Variants in LRRC27 observed in about 807,000 individuals in gnomAD.
The protein encoded by LRRC27 is leucine-rich repeat-containing protein 27.
LRRC27 carries 57 observed loss-of-function variants against 55.0 expected under a neutral mutation model. The ratio of observed to expected loss-of-function variants is 1.04; its 90% CI spans 0.84 to 1.29. The LOEUF (loss-of-function observed/expected upper bound fraction) is 1.29. LRRC27 is among the 50% of genes most tolerant of loss of function. The pLI, the probability that LRRC27 is intolerant of heterozygous loss-of-function variation, is 0.00. For missense variants in LRRC27, 721 were observed against 651.5 expected, an observed-to-expected ratio of 1.11 and a Z score of -1.16; for synonymous variants, 278 against 251.9, an observed-to-expected ratio of 1.10 and a Z score of -0.98.
intron 3 of LRRC27, 80 bp from the exon 4 acceptor site, chr10:132,342,133 G>A: frequency 3.4e-6 from 3 of 889,056 alleles, no homozygotes; most frequent in Non-Finnish European, 3.4e-6. Context: ...GAAGAAAAAT[G>A]AAGAAACTTG....
Position 132,348,937 on chromosome 10 carries a change from A to G in LRRC27, c.926+581A>G. ...TTTGGTACAGTGAGTTTGGGGGCCG[A>G]GATTTTATTTTCCTTTCACACCCAG... On this transcript the variant is annotated intron_variant, in intron 6 of 10. Transcript: ENST00000368614. The surrounding 1 kb of genome is among the most constrained non-coding windows in gnomAD (Gnocchi z 4.2). 6.5e-7 allele frequency: 1 copy of G among 1,549,712 alleles called. No homozygotes were observed. The highest frequency in any genetic ancestry group is 1.7e-4 in the Middle Eastern group (1 of 5,954).
intron 7 of LRRC27, among the ~76,000 whole-genome samples, chr10:132,354,428 C>T (rs865928914): frequency 5.9e-5 from 9 of 152,182 alleles, no homozygotes; most frequent in African/African-American, 1.9e-4. Flanking sequence ...GGCCCTCGTC[C>T]AGGAGCGCAG....
At chr10:132,370,643 C>G (rs1020241650) in intron 10 of LRRC27, among the ~76,000 whole-genome samples, 2 of 152,224 alleles carry the variant, frequency 1.3e-5, no homozygotes, top group Non-Finnish European at 2.9e-5. Flanking sequence ...GTCCCTGAGA[C>G]AGACCAGAAC....
Position 132,363,784 on chromosome 10 carries a change from G to A in LRRC27, c.1290-1640G>A, listed in dbSNP as rs149553610. ...CTCAGTTTAACGTACCCTGGATCCC[G>A]GCTGCGATGTAAGAAACCTGGAGGA... On this transcript the variant is annotated intron_variant, in intron 9 of 10. Transcript: ENST00000368614. Among the ~76,000 whole-genome samples the A allele has an allele frequency of 2.2e-3, 337 of 152,202 alleles. 1 individual carries two copies. The highest frequency in any genetic ancestry group is 7.2e-3 in the African/African-American group (297 of 41,514).
intron 7 of LRRC27, among the ~76,000 whole-genome samples, chr10:132,354,960 C>T (rs1278876364): frequency 6.6e-6 from 1 of 152,234 alleles, no homozygotes; most frequent in Non-Finnish European, 1.5e-5. Flanking sequence ...GGAGCCCCGC[C>T]CAGCCGCAGA....
rs143542792 is a variant in LRRC27 at position 132,344,382 on chromosome 10, C to G, written c.401-116C>G. On this transcript the variant is annotated intron_variant, in intron 4 of 10. Transcript: ENST00000368614. Reference sequence around the variant, plus strand: ...TGACATCTGTTAACGTGATTTTCCCCCAAATACTGAATAGAATCATATTTT... The same window carrying G: ...TGACATCTGTTAACGTGATTTTCCCGCAAATACTGAATAGAATCATATTTT... 7.9e-6 allele frequency: 9 copies of G among 1,132,966 alleles called. No individual in the cohort carries two copies. In the African/African-American group the frequency reaches 1.2e-4, roughly 16 times the overall value. The allele number at this position is 1,132,966 out of a possible 1,614,324, so 70.2% of individuals were successfully genotyped here.
At chr10:132,352,742 T>A in intron 7 of LRRC27, 1 of 859,044 alleles carries the variant, frequency 1.2e-6, no homozygotes, top group East Asian at 2.7e-5. Context: ...GGCTCCCTTG[T>A]TTGCAGCCCC....
intron 6 of LRRC27, chr10:132,351,328 C>CA (rs957936399): frequency 1.6e-5 from 6 of 382,880 alleles, no homozygotes; most frequent in Non-Finnish European, 2.4e-5. Flanking sequence ...GCACGTCCTT[C>CA]AGGTGCATTT....
rs994252629 is a variant in LRRC27, at chr10:132,348,053, A to G, written c.623A>G (p.His208Arg). 3.1e-6 allele frequency: 5 copies of G among 1,613,796 alleles called. No individual in the cohort carries two copies. The highest frequency in any genetic ancestry group is 3.4e-6 in the Non-Finnish European group (4 of 1,180,032). ...CCAGGACTGGAGTTGTCTGGAGACC[A>G]CGCGTCTAACCAAGGAGCTGTGAAC... is the stretch of plus-strand genomic sequence containing the variant. ...PSPGLELSGD[H>R]ASNQGAVNAQ... The change falls in exon 6 of 11, where the codon CAC becomes CGC. Residue 208 changes from histidine to arginine, a missense_variant. His to Arg is a conservative substitution (Grantham distance 29). Transcript: ENST00000368614. This position sits in a 1 kb window ranked among gnomAD's most constrained non-coding sequence, Gnocchi z 4.2.
upstream of LRRC27, among the ~76,000 whole-genome samples, chr10:132,330,081 C>T (rs1049380983): frequency 1.3e-5 from 2 of 152,228 alleles, no homozygotes; most frequent in Non-Finnish European, 2.9e-5. Context: ...ACGAACACTT[C>T]ATTCGTTCCT....
chr10:132,342,339 G>T, intron 4 of LRRC27, 68 bp downstream of exon 4: 1 of 1,006,488 alleles, frequency 9.9e-7, no homozygotes, highest in South Asian at 1.5e-5. Context: ...CCTTGTAATG[G>T]AAGTATCAGG....
chr10:132,345,573 C>T (rs1437036977), intron 5 of LRRC27, among the ~76,000 whole-genome samples: 1 of 152,238 alleles, frequency 6.6e-6, no homozygotes, highest in East Asian at 1.9e-4. Context: ...GCACCCTTGA[C>T]CCCGATGCTG....
At chr10:132,340,217 T>G (rs1485064178) in intron 3 of LRRC27, among the ~76,000 whole-genome samples, 1 of 152,252 alleles carries the variant, frequency 6.6e-6, no homozygotes, top group East Asian at 1.9e-4. Flanking sequence ...CGGGTAAGCT[T>G]TGAATTATTG....
chr10:132,354,869 G>A (rs2132982992), intron 7 of LRRC27, among the ~76,000 whole-genome samples: 1 of 152,358 alleles, frequency 6.6e-6, no homozygotes, highest in East Asian at 1.9e-4. Context: ...CCTGCAGGCT[G>A]GAGAGCTGGC....
At chr10:132,347,770 C>T (rs567934020) in intron 5 of LRRC27, among the ~76,000 whole-genome samples, 5 of 152,188 alleles carry the variant, frequency 3.3e-5, no homozygotes, top group Non-Finnish European at 7.3e-5. Context: ...TTTCCATTCC[C>T]TCCATGTGGA....
rs1164969526 is a variant in LRRC27 at position 132,376,073 on chromosome 10, G to T, written c.*831G>T. On this transcript the variant is annotated 3_prime_UTR_variant, in exon 11 of 11. Transcript: ENST00000368614. Reference sequence around the variant, plus strand: ...GTTAATTTTGGTAAATATGGTTTCAGTGAGTTTCCTCATTTCATCCAAGTT... The same window carrying T: ...GTTAATTTTGGTAAATATGGTTTCATTGAGTTTCCTCATTTCATCCAAGTT... The T allele has an allele frequency of 6.6e-6, 1 of 152,224 alleles. No individual in the cohort carries two copies. The highest frequency in any genetic ancestry group is 1.5e-5 in the Non-Finnish European group (1 of 68,044). The allele number at this position is 152,224 out of a possible 1,614,324, so 9.4% of individuals were successfully genotyped here.
chr10:132,378,161 C>T lies in LRRC27; in HGVS notation c.*2919C>T, dbSNP rs112232425. The T allele has an allele frequency of 7.2e-3, 1,073 of 148,020 alleles. 11 individuals are homozygous for T. Among genetic ancestry groups the T allele is most frequent in the Non-Finnish European group, 0.01 (690 of 67,316 alleles). The allele number at this position is 148,020 out of a possible 1,614,324, so 9.2% of individuals were successfully genotyped here. On this transcript the variant is annotated 3_prime_UTR_variant, in exon 11 of 11. Coordinates refer to ENST00000368614, the MANE Select transcript of LRRC27 (RefSeq NM_030626.3). ...CTGCACTCCAGCCTGGGCGACAGAGCGAGACTCCGTCTCAAAAAAAAAAAA... is the reference window on the plus strand; with the variant it reads ...CTGCACTCCAGCCTGGGCGACAGAGTGAGACTCCGTCTCAAAAAAAAAAAA...
At chr10:132,350,335 TC>T (rs1447667889) in intron 6 of LRRC27, 1 of 152,222 alleles carries the variant, frequency 6.6e-6, no homozygotes, top group Non-Finnish European at 1.5e-5. Flanking sequence ...CAGCAGGCCT[TC>T]CTCTGGGGCA....
intron 9 of LRRC27, 55 bp downstream of exon 9, chr10:132,361,630 G>A: frequency 7.9e-7 from 1 of 1,264,016 alleles, no homozygotes. Flanking sequence ...GCCACCCACG[G>A]GCAGGTGCTG....
Sources: gnomAD v4.1 joint callset for allele counts (sites outside exome capture counted in the v4.1 genomes callset) on GRCh38, gnomAD v4.1.1 for gene constraint, Gnocchi (gnomAD v3.1) non-coding constraint, MANE v1.5 for transcripts, NCBI Gene and HGNC (gene_info 2026-07-23, HGNC 2026-07-21) for gene names.